IDO2: variants seen among roughly 807,000 people sequenced by gnomAD.
IDO2 encodes indoleamine 2,3-dioxygenase-like 1 protein.
In IDO2, 46 loss-of-function variants were observed where a neutral mutation model predicts 45.1. That is an observed-to-expected ratio of 1.02 (90% CI 0.80 to 1.30). The LOEUF is 1.30. Ranked by LOEUF, IDO2 falls within the 50% of genes most tolerant of loss-of-function variation. The pLI, the probability that IDO2 is intolerant of heterozygous loss-of-function variation, is 0.00. For synonymous variants in IDO2, 218 were observed against 184.9 expected (o/e 1.18, Z -1.45); for missense variants, 544 against 491.8 (o/e 1.11, Z -1.00).
In IDO2 at chr8:39,954,649, C is replaced by CTTTTTTT. The variant is rs542016899; in HGVS notation, c.99+5403_99+5409dup. 1.8e-4 allele frequency among the ~76,000 whole-genome samples: 15 copies of CTTTTTTT among 84,732 alleles called. 1 individual carries two copies. Among genetic ancestry groups the CTTTTTTT allele is most frequent in the South Asian group, 4.7e-4 (1 of 2,118 alleles). The allele number at this position is 84,732 out of a possible 152,430, so 55.6% of individuals were successfully genotyped here. On this transcript the variant is annotated intron_variant, in intron 2 of 10. Coordinates refer to ENST00000502986, the Ensembl canonical transcript of IDO2. ...GCACAAATTCCCTATGTCTCTCTCT[C>CTTTTTTT]TTTTTTTTTTTTTTTTTTTTTTTTG...
In IDO2 at chr8:39,941,734, A is replaced by G. The variant is rs111458170; in HGVS notation, c.-18+6516A>G. Among the ~76,000 whole-genome samples the G allele has an allele frequency of 9.0e-3, 1,377 of 152,316 alleles. 25 individuals carry two copies. Among genetic ancestry groups the G allele is most frequent in the African/African-American group, 0.031 (1,306 of 41,552 alleles). On this transcript the variant is annotated intron_variant, in intron 1 of 10. Transcript: ENST00000502986. ...GCATGTTTAGGGATGAAATAGAAAAAGAAGTCAGAAAAATACAGTTCAAAC... is the reference window on the plus strand; with the variant it reads ...GCATGTTTAGGGATGAAATAGAAAAGGAAGTCAGAAAAATACAGTTCAAAC...
intron 1 of IDO2, among the ~76,000 whole-genome samples, chr8:39,941,360 C>T (rs1231154499): frequency 6.6e-6 from 1 of 151,878 alleles, no homozygotes; most frequent in Non-Finnish European, 1.5e-5. Flanking sequence ...TATGAATAAC[C>T]AGACCAAAGA....
In IDO2 at chr8:39,988,591, G is replaced by C. The variant is rs181859638; in HGVS notation, c.549+621G>C. 1.1e-3 allele frequency among the ~76,000 whole-genome samples: 167 copies of C among 152,172 alleles called. 2 individuals carry two copies. The highest frequency in any genetic ancestry group is 1.2e-3 in the Non-Finnish European group (79 of 68,008). ...ACGCCACCACGCCTGGCTAATTTTT[G>C]TATTTTTAGTAGAGACAGGGTTTCA... On this transcript the variant is annotated intron_variant, in intron 7 of 10. Coordinates refer to ENST00000502986, the Ensembl canonical transcript of IDO2.
At chr8:39,942,214 G>T (rs1466787039) in intron 1 of IDO2, among the ~76,000 whole-genome samples, 1 of 152,232 alleles carries the variant, frequency 6.6e-6, no homozygotes, top group Non-Finnish European at 1.5e-5. Flanking sequence ...AATTCATCAT[G>T]TAATGTCTCT....
chr8:39,994,104 A>G (rs918024277), intron 8 of IDO2, among the ~76,000 whole-genome samples: 4 of 152,192 alleles, frequency 2.6e-5, no homozygotes, highest in Non-Finnish European at 4.4e-5. Flanking sequence ...TAATAAAAAT[A>G]TACATATTTA....
intron 2 of IDO2, among the ~76,000 whole-genome samples, chr8:39,960,813 C>T (rs535344464): frequency 2.0e-5 from 3 of 152,058 alleles, no homozygotes; most frequent in African/African-American, 7.2e-5. Flanking sequence ...GACGGAGTCT[C>T]GCTCTGTTGC....
At chr8:39,943,735 CAAAAAAAAAA>C (rs61643070) in intron 1 of IDO2, among the ~76,000 whole-genome samples, 25 of 89,208 alleles carry the variant, frequency 2.8e-4, no homozygotes, top group African/African-American at 1.0e-3. Context: ...GACTCCATCT[CAAAAAAAAAA>C]AAAAAAAAAA....
At chr8:39,987,816 A>G in intron 6 of IDO2, 55 bp from the exon 7 acceptor site, 1 of 1,022,772 alleles carries the variant, frequency 9.8e-7, no homozygotes, top group Non-Finnish European at 1.5e-6. Context: ...CTGGGCAGTG[A>G]GTACTCACGG....
chr8:39,960,021 TA>T (rs1316335288), intron 2 of IDO2, among the ~76,000 whole-genome samples: 8 of 152,158 alleles, frequency 5.3e-5, no homozygotes, highest in Non-Finnish European at 1.2e-4. Context: ...ATGTTGGATG[TA>T]CCCAAGTTAT....
chr8:40,004,173 G>A (rs568739312), intron 8 of IDO2, among the ~76,000 whole-genome samples: 4 of 152,270 alleles, frequency 2.6e-5, no homozygotes, highest in African/African-American at 7.2e-5. Flanking sequence ...AAAATCTAGC[G>A]CATGGGGCAT....
chr8:39,995,265 C>CTTCTTTTTTTTTT (rs1563438335), intron 8 of IDO2: 1 of 89,998 alleles, frequency 1.1e-5, no homozygotes, highest in African/African-American at 4.2e-5. Flanking sequence ...CTTCTTCTTC[C>CTTCTTTTTTTTTT]TCTTCTTCTT....
rs201710437 is a variant in IDO2 at position 40,015,168 on chromosome 8, T to A, written c.869-79T>A. ...AGATCTCATCTAGAGAAAAAAAAAA[T>A]AAAAAAGAAGAAGAAGCAGACGAGC... On this transcript the variant is annotated intron_variant, in intron 10 of 10. Transcript: ENST00000502986. The A allele has an allele frequency of 2.2e-4, 184 of 841,038 alleles. 2 individuals carry two copies. In the Admixed American group the frequency reaches 5.0e-3, roughly 23 times the overall value. The allele number at this position is 841,038 out of a possible 1,614,324, so 52.1% of individuals were successfully genotyped here.
At chr8:39,992,706 G>A (rs1481128533) in intron 8 of IDO2, among the ~76,000 whole-genome samples, 1 of 152,124 alleles carries the variant, frequency 6.6e-6, no homozygotes, top group Non-Finnish European at 1.5e-5. Context: ...AATAGAGCTT[G>A]GCTGGACTTT....
chr8:39,972,017 C>T (rs1403698237), intron 3 of IDO2, among the ~76,000 whole-genome samples: 1 of 152,066 alleles, frequency 6.6e-6, no homozygotes, highest in East Asian at 1.9e-4. Context: ...TCCATGTTGG[C>T]CAGGCTGGTC....
intron 8 of IDO2, among the ~76,000 whole-genome samples, 151 bp downstream of exon 8, chr8:39,989,989 AAC>A (rs1216307054): frequency 2.0e-5 from 3 of 152,138 alleles, no homozygotes; most frequent in Non-Finnish European, 2.9e-5. Flanking sequence ...TTTTAGGTTA[AAC>A]ACATATTATC....
intron 3 of IDO2, among the ~76,000 whole-genome samples, chr8:39,971,265 A>G (rs1222586123): frequency 6.6e-6 from 1 of 152,194 alleles, no homozygotes; most frequent in African/African-American, 2.4e-5. Flanking sequence ...GGATGATGGC[A>G]TATCTATTTA....
intron 3 of IDO2, among the ~76,000 whole-genome samples, chr8:39,967,358 C>A (rs1808101464): frequency 6.6e-6 from 1 of 151,956 alleles, no homozygotes. Context: ...CATGTAAATA[C>A]TCAGATAAAA....
intron 8 of IDO2, among the ~76,000 whole-genome samples, chr8:39,991,401 G>C (rs553100561): frequency 1.3e-5 from 2 of 152,046 alleles, no homozygotes; most frequent in South Asian, 4.1e-4. Context: ...AGGCTATTAG[G>C]GAGATAGTGC....
chr8:39,945,272 G>T (rs1807713011), intron 1 of IDO2, among the ~76,000 whole-genome samples: 1 of 152,228 alleles, frequency 6.6e-6, no homozygotes, highest in Admixed American at 6.5e-5. Flanking sequence ...TATTCAATAG[G>T]CTATAGGAGG....
Sources: allele counts gnomAD v4.1 joint callset (sites outside exome capture counted in the v4.1 genomes callset), GRCh38; gene constraint gnomAD v4.1.1; transcripts MANE v1.5; gene names NCBI Gene and HGNC (gene_info 2026-07-23, HGNC 2026-07-21).